The following LOC128092253 variants were observed in gnomAD, a reference collection of about 807,000 sequenced individuals.
the LOC128092253 span, among the ~76,000 whole-genome samples, chr6:133,969,574 T>A: frequency 2.6e-5 from 4 of 152,302 alleles, no homozygotes; most frequent in East Asian, 7.7e-4. Context: ...TTACGGGTGG[T>A]AAAATATACA....
the LOC128092253 span, among the ~76,000 whole-genome samples, chr6:133,971,759 T>C: frequency 6.6e-6 from 1 of 152,180 alleles, no homozygotes; most frequent in Non-Finnish European, 1.5e-5. Context: ...TTAAGGTGTT[T>C]TGCTTATTTT....
At chr6:133,954,413 C>G in the LOC128092253 span, among the ~76,000 whole-genome samples, 2 of 152,244 alleles carry the variant, frequency 1.3e-5, no homozygotes, top group African/African-American at 2.4e-5. Flanking sequence ...ATTTCGCAGT[C>G]TCTTTGAGAA....
the LOC128092253 span, among the ~76,000 whole-genome samples, chr6:133,969,774 C>T: frequency 4.6e-5 from 7 of 152,146 alleles, no homozygotes; most frequent in Non-Finnish European, 1.0e-4. Context: ...TAACTCTCTC[C>T]CATTACTGCC....
the LOC128092253 span, among the ~76,000 whole-genome samples, chr6:133,972,797 A>G: frequency 2.6e-5 from 4 of 152,204 alleles, no homozygotes; most frequent in Non-Finnish European, 5.9e-5. Context: ...TCCATCTGTC[A>G]GTAATAGCCA....
the LOC128092253 span, among the ~76,000 whole-genome samples, chr6:133,964,870 G>A: frequency 6.6e-6 from 1 of 152,050 alleles, no homozygotes; most frequent in Admixed American, 6.5e-5. Flanking sequence ...TTATATGAGG[G>A]GTAACTCTAT....
the LOC128092253 span, among the ~76,000 whole-genome samples, chr6:133,957,329 C>T: frequency 1.3e-5 from 2 of 152,142 alleles, no homozygotes; most frequent in Non-Finnish European, 2.9e-5. Flanking sequence ...GAAAACCAGA[C>T]GGTGTGTTAA....
chr6:133,958,400 T>A, the LOC128092253 span, among the ~76,000 whole-genome samples: 5 of 152,220 alleles, frequency 3.3e-5, no homozygotes, highest in African/African-American at 1.2e-4. Flanking sequence ...GTAGCTTTTT[T>A]TTGTAATTTT....
the LOC128092253 span, among the ~76,000 whole-genome samples, chr6:133,973,198 C>T: frequency 2.0e-5 from 3 of 152,118 alleles, no homozygotes; most frequent in Admixed American, 6.6e-5. Context: ...CTTTGAATGG[C>T]CTGTCTTTCT....
the LOC128092253 span, among the ~76,000 whole-genome samples, chr6:133,960,418 C>CT: frequency 8.4e-3 from 1,101 of 131,552 alleles, 6 homozygotes; most frequent in East Asian, 0.017. Context: ...GCTGACCAGC[C>CT]TTTTTTTTTT....
chr6:133,979,672 A>C, the LOC128092253 span, among the ~76,000 whole-genome samples: 1 of 152,188 alleles, frequency 6.6e-6, no homozygotes, highest in Non-Finnish European at 1.5e-5. Flanking sequence ...GTTTTGACAG[A>C]GTCTCACTCT....
the LOC128092253 span, among the ~76,000 whole-genome samples, chr6:133,970,910 C>T: frequency 2.0e-5 from 3 of 152,258 alleles, no homozygotes; most frequent in Non-Finnish European, 1.5e-5. Flanking sequence ...GGTAGGGCAT[C>T]TGTCACCTCA....
At chr6:133,969,700 T>A in the LOC128092253 span, among the ~76,000 whole-genome samples, 2 of 152,176 alleles carry the variant, frequency 1.3e-5, no homozygotes, top group Admixed American at 1.3e-4. Flanking sequence ...TAAAATGTCC[T>A]CATGATAGAA....
chr6:133,980,006 C>T, the LOC128092253 span: 1 of 1,093,702 alleles, frequency 9.1e-7, no homozygotes, highest in Non-Finnish European at 1.2e-6. Flanking sequence ...TCATTTTTTA[C>T]ATTTCAATTT....
At chr6:133,976,202 G>GT in the LOC128092253 span, among the ~76,000 whole-genome samples, 13 of 151,398 alleles carry the variant, frequency 8.6e-5, no homozygotes, top group South Asian at 4.2e-4. Context: ...CTTGCTAACA[G>GT]TTTTTTTTTC....
chr6:133,971,483 C>T, the LOC128092253 span, among the ~76,000 whole-genome samples: 1 of 152,094 alleles, frequency 6.6e-6, no homozygotes, highest in African/African-American at 2.4e-5. Context: ...TTTTGAGGAA[C>T]TTCTATACTG....
At chr6:133,970,152 C>A in the LOC128092253 span, among the ~76,000 whole-genome samples, 1 of 152,176 alleles carries the variant, frequency 6.6e-6, no homozygotes, top group Non-Finnish European at 1.5e-5. Flanking sequence ...TTTCATGTGA[C>A]CTCAATTGAC....
the LOC128092253 span, among the ~76,000 whole-genome samples, chr6:133,971,209 T>C: frequency 2.0e-5 from 3 of 152,152 alleles, no homozygotes; most frequent in African/African-American, 7.2e-5. Context: ...TTTCTGTGTC[T>C]GGCTTGGTTT....
chr6:133,960,284 C>T, the LOC128092253 span, among the ~76,000 whole-genome samples: 1 of 152,134 alleles, frequency 6.6e-6, no homozygotes, highest in African/African-American at 2.4e-5. Context: ...GTACTCTGTT[C>T]TTTACTCTTC....
chr6:133,979,628 G>GC, the LOC128092253 span, among the ~76,000 whole-genome samples: 2 of 152,124 alleles, frequency 1.3e-5, no homozygotes, highest in Non-Finnish European at 2.9e-5. Flanking sequence ...GACATTTTTA[G>GC]TGGGGAAAAG....
Sources: gnomAD v4.1 joint callset for allele counts (sites outside exome capture counted in the v4.1 genomes callset) on GRCh38, gnomAD v4.1.1 for gene constraint, MANE v1.5 for transcripts.